The following MSRA variants were observed in gnomAD, a reference collection of about 807,000 sequenced individuals.
The protein encoded by MSRA is methionine sulfoxide reductase A.
MSRA carries 54 observed loss-of-function variants against 31.3 expected under a neutral mutation model. That is an observed-to-expected ratio of 1.73 (90% CI 1.39 to 2.17). The LOEUF (loss-of-function observed/expected upper bound fraction) is 2.17. MSRA is among the 30% of genes most tolerant of loss of function. The pLI, the probability that MSRA is intolerant of heterozygous loss-of-function variation, is 0.00. For missense variants in MSRA, 507 were observed against 300.9 expected, an observed-to-expected ratio of 1.69 and a Z score of -5.07; for synonymous variants, 169 against 116.5, an observed-to-expected ratio of 1.45 and a Z score of -2.90.
chr8:10,272,193 A>C (rs1327355382), intron 3 of MSRA, among the ~76,000 whole-genome samples: 4 of 152,206 alleles, frequency 2.6e-5, no homozygotes, highest in Non-Finnish European at 5.9e-5. Context: ...AATATTCTCC[A>C]GGAAAACAGA....
intron 5 of MSRA, chr8:10,411,248 C>T (rs1390696282): frequency 6.6e-6 from 1 of 152,204 alleles, no homozygotes; most frequent in Non-Finnish European, 1.5e-5. Flanking sequence ...TTTGAGACGT[C>T]ACGCTGACAG....
At chr8:10,242,254 G>A (rs571266550) in intron 2 of MSRA, among the ~76,000 whole-genome samples, 9 of 142,444 alleles carry the variant, frequency 6.3e-5, no homozygotes, top group Middle Eastern at 3.6e-3. Context: ...CTGGGTGACA[G>A]AGGGAGACTC....
chr8:10,420,088 G>C (rs1362779618), intron 5 of MSRA, among the ~76,000 whole-genome samples: 2 of 152,178 alleles, frequency 1.3e-5, no homozygotes, highest in Non-Finnish European at 1.5e-5. Flanking sequence ...ACGTAGAGTG[G>C]AATAGTGTGC....
chr8:10,323,941 C>A (rs1802211305), intron 5 of MSRA, among the ~76,000 whole-genome samples: 1 of 152,216 alleles, frequency 6.6e-6, no homozygotes, highest in Non-Finnish European at 1.5e-5. Context: ...ACTCAGGGGA[C>A]AAATGCTGTC....
intron 1 of MSRA, among the ~76,000 whole-genome samples, chr8:10,084,515 A>T (rs1382448136): frequency 6.6e-6 from 1 of 152,230 alleles, no homozygotes; most frequent in Non-Finnish European, 1.5e-5. Flanking sequence ...GCGGGTGGGT[A>T]TACAAACTGG....
chr8:10,314,416 A>G (rs1017191663), intron 4 of MSRA, among the ~76,000 whole-genome samples: 3 of 152,124 alleles, frequency 2.0e-5, no homozygotes, highest in Non-Finnish European at 2.9e-5. Context: ...AACGTTATTA[A>G]TCAGGAAAAT....
intron 3 of MSRA, among the ~76,000 whole-genome samples, chr8:10,286,446 G>A (rs1372552933): frequency 6.6e-6 from 1 of 152,206 alleles, no homozygotes; most frequent in African/African-American, 2.4e-5. Context: ...ATCCATGTAA[G>A]ATGTGACTTG....
intron 1 of MSRA, chr8:10,095,780 C>T (rs1799112811): frequency 2.5e-6 from 3 of 1,183,112 alleles, no homozygotes; most frequent in Admixed American, 9.0e-5. Flanking sequence ...TTGGTACATA[C>T]AATGACGTTT....
At chr8:10,257,525 G>C (rs182812102) in intron 3 of MSRA, among the ~76,000 whole-genome samples, 57 of 152,282 alleles carry the variant, frequency 3.7e-4, no homozygotes, top group African/African-American at 1.3e-3. Flanking sequence ...TCCTGCCTCA[G>C]CCTCTGGAGG....
chr8:10,360,895 A>T (rs922317417), intron 5 of MSRA, among the ~76,000 whole-genome samples: 1 of 152,210 alleles, frequency 6.6e-6, no homozygotes, highest in Non-Finnish European at 1.5e-5. Context: ...AAAAGGCAAG[A>T]CCAGAGTGGA....
intron 1 of MSRA, among the ~76,000 whole-genome samples, chr8:10,128,325 G>A (rs949232004): frequency 2.6e-5 from 4 of 151,810 alleles, no homozygotes; most frequent in African/African-American, 9.7e-5. Flanking sequence ...GTTGCCCTGA[G>A]CCGAGATTGC....
chr8:10,084,822 A>C (rs1052325256), intron 1 of MSRA, among the ~76,000 whole-genome samples: 7 of 152,204 alleles, frequency 4.6e-5, no homozygotes, highest in African/African-American at 1.7e-4. Context: ...GAATGTTTTT[A>C]ATCTTCAGTA....
Position 10,078,919 on chromosome 8 carries a change from A to C in MSRA, c.142+24261A>C, listed in dbSNP as rs147948441. On this transcript the variant is annotated intron_variant, in intron 1 of 5. Coordinates refer to ENST00000317173, the MANE Select transcript of MSRA (RefSeq NM_012331.5). The stretch of plus-strand genomic sequence containing the variant: ...CTTGAATGGAAAATAAATGGGGATC[A>C]CATTTGGAGCCAGTGGTCCCTCGCT... Among the ~76,000 whole-genome samples, 294 of 152,344 alleles carry C rather than the reference A, an allele frequency of 1.9e-3. 2 individuals are homozygous for C. Among genetic ancestry groups the C allele is most frequent in the African/African-American group, 6.7e-3 (279 of 41,592 alleles).
At chr8:10,108,169 C>T (rs1203453137) in intron 1 of MSRA, among the ~76,000 whole-genome samples, 1 of 152,274 alleles carries the variant, frequency 6.6e-6, no homozygotes, top group Middle Eastern at 3.4e-3. Flanking sequence ...CTCAGTGGTT[C>T]TATTTGGACA....
intron 1 of MSRA, among the ~76,000 whole-genome samples, chr8:10,150,908 T>C (rs138036958): frequency 1.1e-3 from 160 of 152,212 alleles, no homozygotes; most frequent in Non-Finnish European, 1.6e-3. Flanking sequence ...ATTTTATATA[T>C]CAGTAAGGTG....
intron 1 of MSRA, among the ~76,000 whole-genome samples, chr8:10,122,276 GC>G (rs1222832036): frequency 6.6e-6 from 1 of 152,170 alleles, no homozygotes; most frequent in African/African-American, 2.4e-5. Flanking sequence ...AGTGCAAGAA[GC>G]CAAAGAAAAA....
intron 5 of MSRA, among the ~76,000 whole-genome samples, chr8:10,362,174 A>G (rs1288006092): frequency 6.6e-6 from 1 of 152,132 alleles, no homozygotes; most frequent in Non-Finnish European, 1.5e-5. Flanking sequence ...AAATCTCTGC[A>G]CCACTGAGTT....
chr8:10,295,548 C>T (rs1329287056), intron 3 of MSRA, among the ~76,000 whole-genome samples: 4 of 152,218 alleles, frequency 2.6e-5, no homozygotes, highest in African/African-American at 4.8e-5. Context: ...TCTGACGGCT[C>T]TGCTCGGCCT....
chr8:10,397,111 G>A (rs552412460), intron 5 of MSRA, among the ~76,000 whole-genome samples: 34 of 152,290 alleles, frequency 2.2e-4, no homozygotes, highest in African/African-American at 8.2e-4. Context: ...CAACTATATA[G>A]GACTCTATGA....
Sources: gnomAD v4.1 joint callset for allele counts (sites outside exome capture counted in the v4.1 genomes callset) on GRCh38, gnomAD v4.1.1 for gene constraint, MANE v1.5 for transcripts, NCBI Gene and HGNC (gene_info 2026-07-23, HGNC 2026-07-21) for gene names.